The following COX7B2 variants were observed in gnomAD, a reference collection of about 807,000 sequenced individuals.
COX7B2 encodes the protein cytochrome c oxidase subunit 7B2, also known as cytochrome c oxidase subunit 7B2, mitochondrial.
For missense variants in COX7B2, 109 were observed against 95.9 expected (o/e 1.14, Z -0.57); for synonymous variants, 37 against 32.1 (o/e 1.15, Z -0.51).
At chr4:46,773,354 C>A (rs1716983855) in intron 2 of COX7B2, among the ~76,000 whole-genome samples, 1 of 152,068 alleles carries the variant, frequency 6.6e-6, no homozygotes, top group African/African-American at 2.4e-5. Context: ...CTATAAGGGG[C>A]TTTTCCCCCT....
intron 2 of COX7B2, among the ~76,000 whole-genome samples, chr4:46,790,984 A>G (rs770547625): frequency 1.4e-4 from 21 of 152,150 alleles, no homozygotes; most frequent in Non-Finnish European, 2.4e-4. Context: ...ATATTATGTA[A>G]CAGTAACCCA....
rs1188352487 is a variant in COX7B2 at position 46,829,431 on chromosome 4, TCTTGAAAATAAG to T, written c.-50+15517_-50+15528del. ...CTGATAAGAAAATTGTTGATACAAC[TCTTGAAAATAAG>T]TTTATTTTAACATGCAATTTTTTTT... On this transcript the variant is annotated intron_variant, in intron 2 of 2. Coordinates refer to ENST00000355591, the MANE Select transcript of COX7B2 (RefSeq NM_130902.3). 8.1e-4 allele frequency among the ~76,000 whole-genome samples: 124 copies of T among 152,188 alleles called. 1 individual carries two copies. The highest frequency in any genetic ancestry group is 6.0e-4 in the Non-Finnish European group (41 of 68,012).
At chr4:46,745,935 A>C (rs1714996208) in intron 2 of COX7B2, among the ~76,000 whole-genome samples, 1 of 152,188 alleles carries the variant, frequency 6.6e-6, no homozygotes, top group Non-Finnish European at 1.5e-5. Context: ...TTAAGTCTAA[A>C]AGGGCACCCC....
At chr4:46,849,658 T>A (rs917926049) in intron 1 of COX7B2, among the ~76,000 whole-genome samples, 10 of 152,140 alleles carry the variant, frequency 6.6e-5, no homozygotes, top group Admixed American at 1.3e-4. Context: ...ATACAGCTTT[T>A]ACTTAACAAT....
chr4:46,823,063 C>T (rs538812390), intron 2 of COX7B2, among the ~76,000 whole-genome samples: 1 of 152,184 alleles, frequency 6.6e-6, no homozygotes, highest in South Asian at 2.1e-4. Context: ...GTGAATCCCC[C>T]AAGGGCCTAC....
chr4:46,832,816 C>A (rs1484814108), intron 2 of COX7B2, among the ~76,000 whole-genome samples: 1 of 152,190 alleles, frequency 6.6e-6, no homozygotes. Context: ...TCCCCTTCGC[C>A]TTCTGCCATA....
At chr4:46,806,205 T>G (rs1264338371) in intron 2 of COX7B2, among the ~76,000 whole-genome samples, 1 of 152,162 alleles carries the variant, frequency 6.6e-6, no homozygotes, top group Non-Finnish European at 1.5e-5. Flanking sequence ...TTATTAATGT[T>G]GATGGTAACA....
At chr4:46,760,493 T>C (rs1716081724) in intron 2 of COX7B2, among the ~76,000 whole-genome samples, 1 of 151,658 alleles carries the variant, frequency 6.6e-6, no homozygotes, top group South Asian at 2.1e-4. Flanking sequence ...CACTCATAAG[T>C]GGGAGTTGAA....
At chr4:46,789,190 A>G (rs1300406225) in intron 2 of COX7B2, among the ~76,000 whole-genome samples, 1 of 152,160 alleles carries the variant, frequency 6.6e-6, no homozygotes, top group African/African-American at 2.4e-5. Flanking sequence ...TAGTGTATAG[A>G]TTATCAAGGC....
rs576006450 is a variant in COX7B2 at position 46,860,159 on chromosome 4, G to T, written c.-104-15145C>A. ...ATGGCAAATAGAAGGTTAGAAGATG[G>T]TAAAGCGAGGTGGCAAGGCAGTGAG... is the stretch of plus-strand genomic sequence containing the variant. On this transcript the variant is annotated intron_variant, in intron 1 of 2. Coordinates refer to ENST00000355591, the MANE Select transcript of COX7B2 (RefSeq NM_130902.3). Among the ~76,000 whole-genome samples, 8 of 152,282 alleles carry T rather than the reference G, an allele frequency of 5.3e-5. No homozygotes were observed. In the South Asian group the frequency reaches 1.7e-3, roughly 32 times the overall value.
At position 46,779,455 on chromosome 4, in the gene COX7B2, A is replaced by G. The variant is rs571715591; in HGVS notation, c.-49-44214T>C. On this transcript the variant is annotated intron_variant, in intron 2 of 2. Coordinates refer to ENST00000355591, the MANE Select transcript of COX7B2 (RefSeq NM_130902.3). Reference sequence around the variant, plus strand: ...AACAGATTGTTTCCATACCTTGGCTACTGTGAATAATGCTGTGATGAACAT... The same window carrying G: ...AACAGATTGTTTCCATACCTTGGCTGCTGTGAATAATGCTGTGATGAACAT... 2.0e-4 allele frequency among the ~76,000 whole-genome samples: 31 copies of G among 152,326 alleles called. No homozygotes were observed. In the South Asian group the frequency reaches 6.2e-3, roughly 31 times the overall value.
chr4:46,735,056 C>T lies in COX7B2; in HGVS notation c.137G>A (p.Gly46Glu). ...CCATGTAGCAACACAGAAAGCAGTT[C>T]CACTGGCTAGCACAGCATTACCATA... The part of the protein sequence containing the change: ...DKYGNAVLAS[G>E]TAFCVATWVF... Residue 46 changes from glycine (G) to glutamate (E), a missense_variant, in exon 3 of 3, where the codon GGA becomes GAA. Physicochemically the swap from Gly to Glu is moderately conservative, Grantham distance 98. Transcript: ENST00000355591. 6.2e-7 allele frequency: 1 copy of T among 1,614,062 alleles called. No homozygotes were observed. The highest frequency in any genetic ancestry group is 1.1e-5 in the South Asian group (1 of 91,074).
At chr4:46,880,274 T>C (rs767463614) in intron 1 of COX7B2, among the ~76,000 whole-genome samples, 11 of 152,194 alleles carry the variant, frequency 7.2e-5, no homozygotes, top group Non-Finnish European at 1.6e-4. Flanking sequence ...GATACCAAGA[T>C]GATGCTGACC....
intron 2 of COX7B2, among the ~76,000 whole-genome samples, chr4:46,803,188 AG>A (rs2109631237): frequency 6.6e-6 from 1 of 152,222 alleles, no homozygotes; most frequent in Admixed American, 6.5e-5. Flanking sequence ...TATGGGTTGT[AG>A]CATTTAACAA....
intron 2 of COX7B2, among the ~76,000 whole-genome samples, chr4:46,835,796 C>T (rs552213355): frequency 5.3e-5 from 8 of 152,212 alleles, no homozygotes; most frequent in African/African-American, 1.7e-4. Context: ...CATCAACGTA[C>T]AAAAATCATA....
Position 46,842,082 on chromosome 4 carries a change from C to G in COX7B2, c.-50+2878G>C, listed in dbSNP as rs142849444. On this transcript the variant is annotated intron_variant, in intron 2 of 2. Transcript: ENST00000355591. ...CGATTTTATATTATTCATAAAGAAG[C>G]CTTCAAGTTCACTAACCTAATACCC... Among the ~76,000 whole-genome samples, 402 of 152,074 alleles carry G rather than the reference C, an allele frequency of 2.6e-3. 1 individual carries two copies. Among genetic ancestry groups the G allele is most frequent in the African/African-American group, 8.9e-3 (369 of 41,500 alleles).
At chr4:46,754,266 A>G (rs1715604809) in intron 2 of COX7B2, among the ~76,000 whole-genome samples, 2 of 151,764 alleles carry the variant, frequency 1.3e-5, no homozygotes, top group African/African-American at 4.8e-5. Flanking sequence ...ATGCACACGT[A>G]TGTTTATTGC....
chr4:46,874,008 C>T (rs1273078063), intron 1 of COX7B2, among the ~76,000 whole-genome samples: 1 of 152,038 alleles, frequency 6.6e-6, no homozygotes, highest in African/African-American at 2.4e-5. Context: ...AAATTGATGT[C>T]CAATGGGTAA....
chr4:46,834,595 C>T (rs558853572), intron 2 of COX7B2, among the ~76,000 whole-genome samples: 5 of 152,190 alleles, frequency 3.3e-5, no homozygotes, highest in African/African-American at 1.2e-4. Flanking sequence ...ATGCTTTTAT[C>T]CAACTTTCTT....
Sources: gnomAD v4.1 joint callset for allele counts (sites outside exome capture counted in the v4.1 genomes callset) on GRCh38, gnomAD v4.1.1 for gene constraint, MANE v1.5 for transcripts, NCBI Gene and HGNC (gene_info 2026-07-23, HGNC 2026-07-21) for gene names.